TMEM214: variants seen among roughly 807,000 people sequenced by gnomAD.
The protein encoded by TMEM214 is transmembrane protein 214.
In TMEM214, 71 loss-of-function variants were observed where a neutral mutation model predicts 89.8. The ratio of observed to expected loss-of-function variants is 0.79; its 90% CI spans 0.65 to 0.96. The LOEUF is 0.96. TMEM214 is among the 40% of genes least tolerant of loss of function. TMEM214 has a pLI of 0.00. For missense variants in TMEM214, 754 were observed against 843.4 expected (o/e 0.89, Z 1.31); for synonymous variants, 332 against 349.5 (o/e 0.95, Z 0.56).
intron 9 of TMEM214, 154 bp from the exon 10 acceptor site, chr2:27,037,988 CAGAG>C (rs1667642870): frequency 1.3e-6 from 2 of 1,568,192 alleles, no homozygotes; most frequent in South Asian, 1.2e-5. Flanking sequence ...TACAGCCTCT[CAGAG>C]AGCTTTCTGG....
At position 27,037,553 on chromosome 2, in the gene TMEM214, C is replaced by G. The variant is rs766378345; in HGVS notation, c.1011-8C>G. 7.4e-6 allele frequency: 12 copies of G among 1,614,056 alleles called. No individual in the cohort carries two copies. Among genetic ancestry groups the G allele is most frequent in the Non-Finnish European group, 1.0e-5 (12 of 1,180,030 alleles). ...CTTATGCCTGTCTTTCCTCCCCACCCCACCCAGCCTGCAGGAGCAGCTGTG... is the reference window on the plus strand; with the variant it reads ...CTTATGCCTGTCTTTCCTCCCCACCGCACCCAGCCTGCAGGAGCAGCTGTG... On this transcript the variant is annotated splice_region_variant and splice_polypyrimidine_tract_variant and intron_variant, in intron 8 of 16. Transcript: ENST00000238788.
chr2:27,035,490 C>G, intron 3 of TMEM214, 104 bp from the exon 4 acceptor site: 1 of 1,518,868 alleles, frequency 6.6e-7, no homozygotes, highest in South Asian at 1.2e-5. Flanking sequence ...AGCCTCAGTG[C>G]AGGGGCCTTT....
chr2:27,034,297 G>T, intron 2 of TMEM214, 31 bp downstream of exon 2: 1 of 1,608,566 alleles, frequency 6.2e-7, no homozygotes, highest in Non-Finnish European at 8.5e-7. Flanking sequence ...GACGCAGAAA[G>T]AATGGGGGCT....
chr2:27,039,652 C>T (rs928445470), intron 13 of TMEM214, 89 bp from the exon 14 acceptor site: 34 of 1,158,000 alleles, frequency 2.9e-5, no homozygotes, highest in East Asian at 9.3e-5. Context: ...CCCAGCGCCT[C>T]GCTGTGCCTG....
chr2:27,038,675 C>T lies in TMEM214; in HGVS notation c.1294-27C>T, dbSNP rs763979678. The T allele has an allele frequency of 6.2e-7, 1 of 1,609,780 alleles. No individual in the cohort carries two copies. The highest frequency in any genetic ancestry group is 8.5e-7 in the Non-Finnish European group (1 of 1,176,628). On this transcript the variant is annotated intron_variant, in intron 11 of 16. Coordinates refer to ENST00000238788, the MANE Select transcript of TMEM214 (RefSeq NM_017727.5). The surrounding 1 kb of genome is among the most constrained non-coding windows in gnomAD (Gnocchi z 4.4). ...GCAGGATGGAAGCTCTGGATTCCCT[C>T]ACAGGCCAGACCTTTCTTGTCCATA...
Position 27,035,690 on chromosome 2 carries a change from G to C in TMEM214, c.599G>C (p.Cys200Ser), listed in dbSNP as rs775325777. ...TCTCTGGAGCTCTTTTTTGACCACT[G>C]TCTGTTCACCATGTTGCAAGAGCTG... is the stretch of plus-strand genomic sequence containing the variant. ...AGSLELFFDH[C>S]LFTMLQELDK... Residue 200 changes from cysteine to serine, a missense_variant, in exon 4 of 17, where the codon TGT becomes TCT. Physicochemically the swap from Cys to Ser is moderately radical, Grantham distance 112. Coordinates refer to ENST00000238788, the MANE Select transcript of TMEM214 (RefSeq NM_017727.5). The C allele has an allele frequency of 3.1e-6, 5 of 1,614,210 alleles. No individual in the cohort carries two copies. Among genetic ancestry groups the C allele is most frequent in the African/African-American group, 1.3e-5 (1 of 75,066 alleles).
rs1348005402 is a variant in TMEM214, at chr2:27,035,802, G to A, written c.637+74G>A. 3 of 1,605,314 alleles carry A rather than the reference G, an allele frequency of 1.9e-6. No individual in the cohort carries two copies. The African/African-American group carries it at 4.0e-5, about 22-fold the overall frequency. On this transcript the variant is annotated intron_variant, in intron 4 of 16. Transcript: ENST00000238788. ...TTTCCTGCTTCCAGTACCACTCAGT[G>A]GTTCTGTTTCCAGCAGAGAAATGTG...
rs1379193691 is a variant in TMEM214, at chr2:27,039,561, C to T, written c.1526-180C>T. On this transcript the variant is annotated intron_variant, in intron 13 of 16. Coordinates refer to ENST00000238788, the MANE Select transcript of TMEM214 (RefSeq NM_017727.5). ...CTGCATTCCTGCACACCTGGCCCAG[C>T]AGGAGAAGGGCAGCTCTGCATGCCT... The T allele has an allele frequency of 1.4e-5, 9 of 634,412 alleles. No individual in the cohort carries two copies. In the South Asian group the frequency reaches 1.7e-4, roughly 12 times the overall value. 39.3% of individuals were successfully genotyped at this position (634,412 alleles called of 1,614,324 possible).
In TMEM214 at chr2:27,039,112, C is replaced by G; in HGVS notation, c.1473C>G (p.Val491=). ...PWTRLLLLLL[V]FAVGFLCHDL... ...CGCGGCTCCTCCTGTTGCTGCTGGTCTTCGCTGTAGGCTTCCTGTGCCATG... is the reference window on the plus strand; with the variant it reads ...CGCGGCTCCTCCTGTTGCTGCTGGTGTTCGCTGTAGGCTTCCTGTGCCATG... Residue 491 remains valine, a synonymous_variant, in exon 13 of 17, where the codon GTC becomes GTG. Transcript: ENST00000238788. 6.2e-7 allele frequency: 1 copy of G among 1,613,986 alleles called. No individual in the cohort carries two copies. Among genetic ancestry groups the G allele is most frequent in the South Asian group, 1.1e-5 (1 of 91,090 alleles).
Position 27,035,980 on chromosome 2 carries a change from A to G in TMEM214, c.648A>G (p.Leu216=). The G allele has an allele frequency of 1.2e-6, 2 of 1,614,154 alleles. No individual in the cohort carries two copies. Among genetic ancestry groups the G allele is most frequent in the Non-Finnish European group, 1.7e-6 (2 of 1,180,020 alleles). ...QELDKTPGES[L]HGYRICIQAI... is the part of the protein sequence containing the mutation. ...TGTGTATCTCTCCAGGGGAGTCACT[A>G]CATGGTTACCGCATCTGTATCCAGG... is the stretch of plus-strand genomic sequence containing the variant. The change falls in exon 5 of 17, where the codon CTA becomes CTG. Residue 216 remains leucine, a synonymous_variant. Transcript: ENST00000238788.
In TMEM214 at chr2:27,035,588, C is replaced by T. The variant is rs759550335; in HGVS notation, c.503-6C>T. ...TAGCACTCACATTGAGGCCTATGGG[C>T]CTTAGATTATCCCTACAGCCTGGTG... On this transcript the variant is annotated splice_polypyrimidine_tract_variant and splice_region_variant and intron_variant, in intron 3 of 16. Coordinates refer to ENST00000238788, the MANE Select transcript of TMEM214 (RefSeq NM_017727.5). 14 of 1,614,002 alleles carry T rather than the reference C, an allele frequency of 8.7e-6. No individual in the cohort carries two copies. The highest frequency in any genetic ancestry group is 4.4e-5 in the South Asian group (4 of 91,088).
Position 27,035,647 on chromosome 2 carries a change from C to T in TMEM214, c.556C>T (p.Leu186=). 1.2e-6 allele frequency: 2 copies of T among 1,614,224 alleles called. No homozygotes were observed. The highest frequency in any genetic ancestry group is 1.7e-6 in the Non-Finnish European group (2 of 1,180,044). The stretch of plus-strand genomic sequence containing the variant: ...GCTACGTGGGATCATCCGAGGGCTG[C>T]TGGCGAAGGCAGCAGGGTCTCTGGA... The part of the protein sequence containing the change: ...RELRGIIRGL[L]AKAAGSLELF... The change falls in exon 4 of 17, where the codon CTG becomes TTG. Residue 186 remains leucine, a synonymous_variant. Coordinates refer to ENST00000238788, the MANE Select transcript of TMEM214 (RefSeq NM_017727.5).
intron 2 of TMEM214, among the ~76,000 whole-genome samples, chr2:27,034,772 T>C (rs1553333153): frequency 1.3e-5 from 2 of 151,610 alleles, no homozygotes; most frequent in Non-Finnish European, 2.9e-5. Context: ...TTAGTAGAGA[T>C]GGGGTTTCAC....
Position 27,034,417 on chromosome 2 carries a change from A to G in TMEM214, c.351+151A>G, listed in dbSNP as rs538757221. The G allele has an allele frequency of 1.9e-3, 1,588 of 832,758 alleles. 3 individuals are homozygous for G. Among genetic ancestry groups the G allele is most frequent in the Non-Finnish European group, 2.6e-3 (1,428 of 542,702 alleles). The allele number at this position is 832,758 out of a possible 1,614,324, so 51.6% of individuals were successfully genotyped here. ...GAGTTCAGGAAAAGATGGAAACCCC[A>G]GGGGAACAGAATGCCTGCACTTAGA... On this transcript the variant is annotated intron_variant, in intron 2 of 16. Coordinates refer to ENST00000238788, the MANE Select transcript of TMEM214 (RefSeq NM_017727.5).
At position 27,036,475 on chromosome 2, in the gene TMEM214, C is replaced by T. The variant is rs59790362; in HGVS notation, c.721-12C>T. 5.9e-4 allele frequency: 956 copies of T among 1,610,276 alleles called. 2 individuals carry two copies. In the African/African-American group the frequency reaches 6.2e-3, roughly 11 times the overall value. On this transcript the variant is annotated splice_polypyrimidine_tract_variant and intron_variant, in intron 5 of 16. Transcript: ENST00000238788. Reference sequence around the variant, plus strand: ...TCCTATCCCAATCTGCCTTCCCCACCGGTCTCCTCAGTTCCTGGAACTGCT... The same window carrying T: ...TCCTATCCCAATCTGCCTTCCCCACTGGTCTCCTCAGTTCCTGGAACTGCT...
intron 7 of TMEM214, 57 bp from the exon 8 acceptor site, chr2:27,037,020 C>T: frequency 6.6e-7 from 1 of 1,520,312 alleles, no homozygotes; most frequent in African/African-American, 1.4e-5. Context: ...GGGGTCATGG[C>T]CAAAACAGCT....
Position 27,038,899 on chromosome 2 carries a change from C to T in TMEM214, c.1407+84C>T. The T allele has an allele frequency of 7.0e-7, 1 of 1,425,622 alleles. No homozygotes were observed. Among genetic ancestry groups the T allele is most frequent in the Non-Finnish European group, 9.8e-7 (1 of 1,016,068 alleles). 88.3% of individuals were successfully genotyped at this position (1,425,622 alleles called of 1,614,324 possible). On this transcript the variant is annotated intron_variant, in intron 12 of 16. Transcript: ENST00000238788. This position sits in a 1 kb window ranked among gnomAD's most constrained non-coding sequence, Gnocchi z 4.4. ...CCTGGGTTGGGCCTGTATCACATTC[C>T]TGCCCCACCTGTCTGGAGCCCCCCG...
Position 27,039,847 on chromosome 2 carries a change from T to C in TMEM214, c.1622+10T>C, listed in dbSNP as rs1385901788. The C allele has an allele frequency of 6.2e-7, 1 of 1,613,938 alleles. No homozygotes were observed. Among genetic ancestry groups the C allele is most frequent in the South Asian group, 1.1e-5 (1 of 91,076 alleles). On this transcript the variant is annotated intron_variant, in intron 14 of 16. Transcript: ENST00000238788. Reference sequence around the variant, plus strand: ...GTCTGCAAGGCTACAGGTGAGCTCCTCCCAGGGAGGGGAGAGGAGAGGCAG... The same window carrying C: ...GTCTGCAAGGCTACAGGTGAGCTCCCCCCAGGGAGGGGAGAGGAGAGGCAG...
chr2:27,037,014 T>A, intron 7 of TMEM214, 63 bp from the exon 8 acceptor site: 3 of 1,465,832 alleles, frequency 2.0e-6, no homozygotes, highest in Non-Finnish European at 2.9e-6. Context: ...TTAGCTGGGG[T>A]CATGGCCAAA....
Sources: allele counts gnomAD v4.1 joint callset (sites outside exome capture counted in the v4.1 genomes callset), GRCh38; gene constraint gnomAD v4.1.1; non-coding constraint Gnocchi (gnomAD v3.1); transcripts MANE v1.5; gene names NCBI Gene and HGNC (gene_info 2026-07-23, HGNC 2026-07-21).